The following DPP10 variants were observed in gnomAD, a reference collection of about 807,000 sequenced individuals.
DPP10 encodes the protein inactive dipeptidyl peptidase 10.
In DPP10, 33 loss-of-function variants were observed where a neutral mutation model predicts 120.9. The ratio of observed to expected loss-of-function variants is 0.27; its 90% confidence interval spans 0.21 to 0.37. The LOEUF (loss-of-function observed/expected upper bound fraction) is 0.37. DPP10 is among the 10% of genes least tolerant of loss of function. The probability of loss-of-function intolerance (pLI) is 1.00; values close to 1 mark genes in which losing one functional copy is unlikely to be tolerated. For synonymous variants in DPP10, 337 were observed against 326.1 expected (o/e 1.03, Z -0.36); for missense variants, 816 against 942.8 (o/e 0.87, Z 1.76).
chr2:114,468,397 C>CAAAAAAAAAAAAAAAAAAAA (rs71297186), intron 1 of DPP10, among the ~76,000 whole-genome samples: 8 of 69,548 alleles, frequency 1.2e-4, no homozygotes, highest in African/African-American at 4.2e-4. Flanking sequence ...GCTTACAATG[C>CAAAAAAAAAAAAAAAAAAAA]AAAAAAAAAA....
At chr2:114,555,433 C>A (rs531401352) in intron 1 of DPP10, among the ~76,000 whole-genome samples, 1 of 152,120 alleles carries the variant, frequency 6.6e-6, no homozygotes, top group Non-Finnish European at 1.5e-5. Flanking sequence ...AAAAGCAAAT[C>A]AATACATTTC....
chr2:115,804,065 C>T (rs1685607024), intron 19 of DPP10, among the ~76,000 whole-genome samples: 1 of 152,204 alleles, frequency 6.6e-6, no homozygotes, highest in Non-Finnish European at 1.5e-5. Context: ...CTTTCAGGTA[C>T]ACCAATCAGA....
chr2:114,769,568 A>C (rs1681061859), intron 1 of DPP10, among the ~76,000 whole-genome samples: 1 of 152,226 alleles, frequency 6.6e-6, no homozygotes, highest in Non-Finnish European at 1.5e-5. Context: ...TGCTTTTGCC[A>C]AGTATTGTTA....
At chr2:114,747,090 T>A (rs1265846400) in intron 1 of DPP10, among the ~76,000 whole-genome samples, 1 of 151,970 alleles carries the variant, frequency 6.6e-6, no homozygotes, top group African/African-American at 2.4e-5. Flanking sequence ...TGAAGGAGAG[T>A]TCTCTGTTTC....
chr2:115,409,062 A>G (rs1314569480), intron 3 of DPP10, among the ~76,000 whole-genome samples: 1 of 152,132 alleles, frequency 6.6e-6, no homozygotes, highest in Admixed American at 6.5e-5. Flanking sequence ...ATACTGATAG[A>G]CTTTTAATTA....
intron 5 of DPP10, among the ~76,000 whole-genome samples, chr2:115,611,010 G>T (rs963324103): frequency 6.6e-6 from 1 of 151,948 alleles, no homozygotes; most frequent in African/African-American, 2.4e-5. Context: ...CCAACATATC[G>T]ATATTATATC....
intron 5 of DPP10, chr2:115,580,378 C>T (rs1391906287): frequency 2.0e-5 from 3 of 152,064 alleles, no homozygotes; most frequent in Admixed American, 1.3e-4. Context: ...CATTTAATTT[C>T]CAATTGATCA....
chr2:114,556,080 A>G (rs1688270540), intron 1 of DPP10, among the ~76,000 whole-genome samples: 1 of 151,880 alleles, frequency 6.6e-6, no homozygotes, highest in African/African-American at 2.4e-5. Flanking sequence ...TTTAAGGTTT[A>G]GAAGATTCTC....
intron 1 of DPP10, among the ~76,000 whole-genome samples, chr2:115,180,533 G>A (rs1009983268): frequency 1.3e-5 from 2 of 152,032 alleles, no homozygotes; most frequent in Non-Finnish European, 2.9e-5. Context: ...TTCTAATTAC[G>A]GTGATATAGG....
chr2:114,505,846 C>T (rs149850418), intron 1 of DPP10, among the ~76,000 whole-genome samples: 258 of 152,268 alleles, frequency 1.7e-3, no homozygotes, highest in African/African-American at 5.7e-3. Flanking sequence ...TTTTCAAAAC[C>T]GTACAGTTTA....
intron 1 of DPP10, among the ~76,000 whole-genome samples, chr2:115,004,994 G>T (rs1329528677): frequency 2.6e-5 from 4 of 152,058 alleles, no homozygotes; most frequent in South Asian, 2.1e-4. Context: ...GAGAGCAGTG[G>T]TTCTCCCAGT....
In DPP10 at chr2:115,608,234, A is replaced by G. The variant is rs138123460; in HGVS notation, c.442-81453A>G. Among the ~76,000 whole-genome samples, 1,278 of 152,158 alleles carry G rather than the reference A, an allele frequency of 8.4e-3. 10 individuals are homozygous for G. The highest frequency in any genetic ancestry group is 0.03 in the African/African-American group (1,229 of 41,496). ...AAAACCCCATCTCTACTAAAAATAC[A>G]AAAATATTAGACAGGCATGGTGGTG... On this transcript the variant is annotated intron_variant, in intron 5 of 25. Coordinates refer to ENST00000410059, the MANE Select transcript of DPP10 (RefSeq NM_020868.6).
At chr2:115,037,696 T>C (rs1333910438) in intron 1 of DPP10, among the ~76,000 whole-genome samples, 2 of 152,230 alleles carry the variant, frequency 1.3e-5, no homozygotes, top group Non-Finnish European at 1.5e-5. Flanking sequence ...TAGTTAATTC[T>C]TTTGCTTTTA....
At chr2:115,206,015 T>G (rs1196070905) in intron 1 of DPP10, among the ~76,000 whole-genome samples, 2 of 152,152 alleles carry the variant, frequency 1.3e-5, no homozygotes, top group Admixed American at 1.3e-4. Flanking sequence ...ATGTACCCCT[T>G]GAATCTAAAT....
rs1002715231 is a variant in DPP10, at chr2:114,759,894, C to T, written c.60+317056C>T. Among the ~76,000 whole-genome samples, 13 of 151,960 alleles carry T rather than the reference C, an allele frequency of 8.6e-5. No individual in the cohort carries two copies. In the East Asian group the frequency reaches 1.5e-3, roughly 18 times the overall value. The stretch of plus-strand genomic sequence containing the variant: ...AGAGATCTCTGGAAATTGAAGCAGA[C>T]GGACAAATTTGAAATAAAATAAAAT... On this transcript the variant is annotated intron_variant, in intron 1 of 25. Transcript: ENST00000410059.
chr2:114,988,341 G>C (rs1167247744), intron 1 of DPP10, among the ~76,000 whole-genome samples: 1 of 152,172 alleles, frequency 6.6e-6, no homozygotes, highest in African/African-American at 2.4e-5. Flanking sequence ...TGATCATTTT[G>C]TAAATAATAT....
chr2:114,564,730 G>A (rs963423636), intron 1 of DPP10, among the ~76,000 whole-genome samples: 2 of 152,098 alleles, frequency 1.3e-5, no homozygotes, highest in Non-Finnish European at 2.9e-5. Context: ...GAAGGAAGAT[G>A]AATGAAAAGA....
Position 114,900,961 on chromosome 2 carries a change from A to G in DPP10, c.61-408278A>G, listed in dbSNP as rs180965618. Among the ~76,000 whole-genome samples the G allele has an allele frequency of 2.2e-3, 335 of 152,362 alleles. 1 individual carries two copies. The highest frequency in any genetic ancestry group is 7.7e-3 in the African/African-American group (321 of 41,592). ...TAAACTCAGACTAACTTATTAAAAC[A>G]TGCCTAAACAGGATCTAGTTTGAGG... On this transcript the variant is annotated intron_variant, in intron 1 of 25. Transcript: ENST00000410059.
intron 1 of DPP10, among the ~76,000 whole-genome samples, chr2:115,201,890 A>C (rs2055755899): frequency 6.6e-6 from 1 of 152,118 alleles, no homozygotes; most frequent in Non-Finnish European, 1.5e-5. Flanking sequence ...GGAAAACATT[A>C]GGGCATTATC....
Sources: allele counts gnomAD v4.1 joint callset (sites outside exome capture counted in the v4.1 genomes callset), GRCh38; gene constraint gnomAD v4.1.1; transcripts MANE v1.5; gene names NCBI Gene and HGNC (gene_info 2026-07-23, HGNC 2026-07-21).